TPH2: variants seen among roughly 807,000 people sequenced by gnomAD.
TPH2 encodes the protein tryptophan hydroxylase 2, also known as tryptophan 5-hydroxylase 2.
TPH2 carries 27 observed loss-of-function variants against 59.1 expected under a neutral mutation model. That is an observed-to-expected ratio of 0.46 (90% CI 0.34 to 0.63). The LOEUF (loss-of-function observed/expected upper bound fraction) is 0.63. Ranked by LOEUF, TPH2 falls within the 30% of genes least tolerant of loss-of-function variation. TPH2 has a pLI of 0.01. For missense variants in TPH2, 523 were observed against 588.3 expected (o/e 0.89, Z 1.15); for synonymous variants, 220 against 210.5 (o/e 1.05, Z -0.39).
chr12:71,953,538 A>G (rs1225721548), intron 5 of TPH2, among the ~76,000 whole-genome samples: 2 of 152,160 alleles, frequency 1.3e-5, no homozygotes, highest in Non-Finnish European at 2.9e-5. Flanking sequence ...ACAGAGACGC[A>G]ATTTCTAATT....
intron 8 of TPH2, among the ~76,000 whole-genome samples, chr12:71,995,913 A>T (rs2139222866): frequency 6.6e-6 from 1 of 152,356 alleles, no homozygotes; most frequent in African/African-American, 2.4e-5. Context: ...CTTGGCTTCC[A>T]ATTTGTAACT....
intron 8 of TPH2, among the ~76,000 whole-genome samples, chr12:72,010,484 GA>G (rs952525865): frequency 8.5e-5 from 13 of 152,206 alleles, no homozygotes; most frequent in African/African-American, 3.1e-4. Flanking sequence ...TTAGTGACTA[GA>G]AAAGAAACAT....
At chr12:71,977,835 T>G (rs1872164122) in intron 6 of TPH2, among the ~76,000 whole-genome samples, 1 of 152,178 alleles carries the variant, frequency 6.6e-6, no homozygotes, top group Non-Finnish European at 1.5e-5. Flanking sequence ...AGAACTGCTC[T>G]TGTGAGAAAA....
chr12:71,979,470 T>C (rs1197617616), intron 7 of TPH2, among the ~76,000 whole-genome samples: 1 of 152,178 alleles, frequency 6.6e-6, no homozygotes, highest in East Asian at 1.9e-4. Context: ...ACACACACCA[T>C]AGCAACTCAT....
intron 9 of TPH2, among the ~76,000 whole-genome samples, chr12:72,027,222 C>T (rs1353975599): frequency 6.6e-6 from 1 of 152,162 alleles, no homozygotes; most frequent in Admixed American, 6.6e-5. Flanking sequence ...TAGTCTAGGA[C>T]CTGAAAGCCT....
At chr12:72,020,438 G>A (rs1242672605) in intron 8 of TPH2, among the ~76,000 whole-genome samples, 1 of 152,202 alleles carries the variant, frequency 6.6e-6, no homozygotes, top group Non-Finnish European at 1.5e-5. Flanking sequence ...GTAAGGAGGA[G>A]TGGTAGTAAG....
At chr12:72,011,143 G>T (rs980322797) in intron 8 of TPH2, among the ~76,000 whole-genome samples, 17 of 152,104 alleles carry the variant, frequency 1.1e-4, no homozygotes, top group Non-Finnish European at 2.5e-4. Flanking sequence ...TTCAGCAAAG[G>T]GTCATTTGGA....
chr12:72,001,907 T>C (rs1340016070), intron 8 of TPH2, among the ~76,000 whole-genome samples: 2 of 151,948 alleles, frequency 1.3e-5, no homozygotes, highest in African/African-American at 4.8e-5. Context: ...TGTTAAAGTA[T>C]AAAAAAAGTG....
chr12:71,972,715 G>A lies in TPH2; in HGVS notation c.805G>A (p.Glu269Lys), dbSNP rs1207894902. 4 of 1,613,480 alleles carry A rather than the reference G, an allele frequency of 2.5e-6. No individual in the cohort carries two copies. In the Admixed American group the frequency reaches 6.7e-5, roughly 27 times the overall value. ...QLEDVSMFLK[E>K]RSGFTVRPVA... ...CGAAGATGTCTCCATGTTTCTGAAA[G>A]GTAAGATTTCACACAGGCTGTCTCT... Residue 269 changes from glutamate (E) to lysine (K), a missense_variant and splice_region_variant, in exon 6 of 11, where the codon GAA becomes AAA. Transcript: ENST00000333850.
At chr12:71,939,930 G>A (rs1871010065) in intron 1 of TPH2, among the ~76,000 whole-genome samples, 1 of 152,160 alleles carries the variant, frequency 6.6e-6, no homozygotes, top group Non-Finnish European at 1.5e-5. Context: ...AGAATCATCT[G>A]TTTTAATTTC....
intron 8 of TPH2, among the ~76,000 whole-genome samples, chr12:71,995,982 T>A (rs1156303613): frequency 6.6e-6 from 1 of 152,234 alleles, no homozygotes; most frequent in East Asian, 1.9e-4. Context: ...TAATAAATTA[T>A]CTCAAAGCTT....
chr12:72,000,954 A>G (rs1429459563), intron 8 of TPH2, among the ~76,000 whole-genome samples: 1 of 152,246 alleles, frequency 6.6e-6, no homozygotes, highest in East Asian at 1.9e-4. Context: ...AATGTTAGAA[A>G]ATGTAAAGGG....
chr12:72,031,067 A>G (rs1873708011), intron 9 of TPH2, among the ~76,000 whole-genome samples, 191 bp from the exon 10 acceptor site: 1 of 152,104 alleles, frequency 6.6e-6, no homozygotes, highest in Non-Finnish European at 1.5e-5. Context: ...AGCAAAACAA[A>G]CAAACAACCA....
In TPH2 at chr12:72,001,331, G is replaced by C. The variant is rs537623471; in HGVS notation, c.1068+6766G>C. Among the ~76,000 whole-genome samples the C allele has an allele frequency of 3.3e-5, 5 of 152,246 alleles. No individual in the cohort carries two copies. In the East Asian group the frequency reaches 9.6e-4, roughly 29 times the overall value. On this transcript the variant is annotated intron_variant, in intron 8 of 10. Transcript: ENST00000333850. ...CTTTCCCAGAACCGGTTCCTGGAAT[G>C]TTAGCCTTATGAAATGGCATTATGA...
At chr12:71,964,724 G>A in intron 5 of TPH2, 9 of 985,368 alleles carry the variant, frequency 9.1e-6, no homozygotes, top group Non-Finnish European at 1.1e-5. Context: ...CACCTCAGTT[G>A]TGAGACATGC....
chr12:71,976,851 C>T (rs908348900), intron 6 of TPH2, among the ~76,000 whole-genome samples: 4 of 152,058 alleles, frequency 2.6e-5, no homozygotes, highest in Admixed American at 2.0e-4. Flanking sequence ...CCTTCCAGGA[C>T]GTTATGCTAA....
rs972314381 is a variant in TPH2, at chr12:71,940,267, T to C, written c.105+1176T>C. Among the ~76,000 whole-genome samples the C allele has an allele frequency of 3.7e-4, 57 of 152,146 alleles. 1 individual carries two copies. Among genetic ancestry groups the C allele is most frequent in the Admixed American group, 3.6e-3 (55 of 15,266 alleles). ...TGTGTGGTGAGGAGGAGGCAGATGTTAAGAACACTGAGACATTTGAGCTTT... is the reference window on the plus strand; with the variant it reads ...TGTGTGGTGAGGAGGAGGCAGATGTCAAGAACACTGAGACATTTGAGCTTT... On this transcript the variant is annotated intron_variant, in intron 1 of 10. Transcript: ENST00000333850.
chr12:71,953,220 A>T (rs1395399736), intron 5 of TPH2, among the ~76,000 whole-genome samples: 1 of 150,902 alleles, frequency 6.6e-6, no homozygotes, highest in African/African-American at 2.4e-5. Flanking sequence ...ACTTCTTGTG[A>T]GTGGATGAAC....
rs142433403 is a variant in TPH2, at chr12:71,950,786, G to T, written c.608+1131G>T. On this transcript the variant is annotated intron_variant, in intron 5 of 10. Coordinates refer to ENST00000333850, the MANE Select transcript of TPH2 (RefSeq NM_173353.4). ...CACTGGTGAAAGTTTAGAACATTAC[G>T]TGTGTTATAGAGGGTCTCAGTGTGG... Among the ~76,000 whole-genome samples the T allele has an allele frequency of 8.5e-3, 1,290 of 152,186 alleles. 13 individuals carry two copies. Among genetic ancestry groups the T allele is most frequent in the Non-Finnish European group, 0.013 (885 of 67,994 alleles).
Sources: gnomAD v4.1 joint callset for allele counts (sites outside exome capture counted in the v4.1 genomes callset) on GRCh38, gnomAD v4.1.1 for gene constraint, MANE v1.5 for transcripts, NCBI Gene and HGNC (gene_info 2026-07-23, HGNC 2026-07-21) for gene names.